The following STT3B variants were observed in gnomAD, a reference collection of about 807,000 sequenced individuals.
STT3B encodes the protein dolichyl-diphosphooligosaccharide--protein glycosyltransferase subunit STT3B.
In STT3B, 29 loss-of-function variants were observed where a neutral mutation model predicts 96.8. The observed-to-expected ratio is 0.30, with a 90% CI of 0.22 to 0.41. The LOEUF is 0.41. Ranked by LOEUF, STT3B falls within the 10% of genes least tolerant of loss-of-function variation. The pLI is 1.00. For missense variants in STT3B, 640 were observed against 1,022.3 expected (o/e 0.63, Z 5.10); for synonymous variants, 367 against 360.0 (o/e 1.02, Z -0.22).
intron 3 of STT3B, among the ~76,000 whole-genome samples, chr3:31,583,607 T>C (rs1014659717): frequency 7.9e-5 from 12 of 152,226 alleles, no homozygotes; most frequent in African/African-American, 2.9e-4. Flanking sequence ...TCTCTTTGTC[T>C]TTGGATTTAA....
chr3:31,550,894 A>AG (rs2125439913), intron 1 of STT3B, among the ~76,000 whole-genome samples: 1 of 152,156 alleles, frequency 6.6e-6, no homozygotes, highest in South Asian at 2.1e-4. Flanking sequence ...AATAAAAGGT[A>AG]GATTGAAATG....
chr3:31,541,871 C>G lies in STT3B; in HGVS notation c.314+8559C>G, dbSNP rs191713603. Reference sequence around the variant, plus strand: ...GATTACAGGCGTGAGCCACCACGCCCGGCATTTCAGCAATAATTTGGCTAA... The same window carrying G: ...GATTACAGGCGTGAGCCACCACGCCGGGCATTTCAGCAATAATTTGGCTAA... On this transcript the variant is annotated intron_variant, in intron 1 of 15. Transcript: ENST00000295770. Among the ~76,000 whole-genome samples the G allele has an allele frequency of 1.4e-3, 214 of 152,256 alleles. 2 individuals are homozygous for G. Among genetic ancestry groups the G allele is most frequent in the African/African-American group, 5.0e-3 (206 of 41,538 alleles).
At chr3:31,615,481 C>G (rs1158565813) in intron 6 of STT3B, among the ~76,000 whole-genome samples, 1 of 151,828 alleles carries the variant, frequency 6.6e-6, no homozygotes, top group Non-Finnish European at 1.5e-5. Context: ...GGTGGTGTTT[C>G]TATAGAGTTT....
chr3:31,553,096 C>T (rs959573771), intron 1 of STT3B, among the ~76,000 whole-genome samples: 2 of 135,972 alleles, frequency 1.5e-5, no homozygotes, highest in Non-Finnish European at 3.1e-5. Flanking sequence ...AGCGAAACTC[C>T]GTCTCAAAAA....
intron 2 of STT3B, among the ~76,000 whole-genome samples, chr3:31,579,188 G>A (rs1287482142): frequency 6.6e-6 from 1 of 151,766 alleles, no homozygotes; most frequent in African/African-American, 2.4e-5. Context: ...ACTTTATGTG[G>A]TATAAAAAAT....
chr3:31,592,890 CCT>C (rs770794733), intron 3 of STT3B, among the ~76,000 whole-genome samples: 5 of 152,136 alleles, frequency 3.3e-5, no homozygotes, highest in Non-Finnish European at 2.9e-5. Context: ...CTTTAAATCC[CCT>C]GTCAGTCACT....
intron 5 of STT3B, among the ~76,000 whole-genome samples, chr3:31,607,761 G>GGTT (rs56378948): frequency 4.1e-5 from 6 of 147,632 alleles, no homozygotes; most frequent in African/African-American, 8.0e-5. Flanking sequence ...GGGTTGTTGT[G>GGTT]GTTGTTGTTG....
At chr3:31,556,670 T>C (rs746489475) in intron 1 of STT3B, among the ~76,000 whole-genome samples, 4 of 152,270 alleles carry the variant, frequency 2.6e-5, no homozygotes, top group Non-Finnish European at 5.9e-5. Flanking sequence ...TTTTTTCATA[T>C]GCTTCTTGGC....
At position 31,554,380 on chromosome 3, in the gene STT3B, T is replaced by C. The variant is rs568597731; in HGVS notation, c.314+21068T>C. Among the ~76,000 whole-genome samples the C allele has an allele frequency of 5.9e-5, 9 of 152,340 alleles. No homozygotes were observed. In the South Asian group the frequency reaches 6.2e-4, roughly 11 times the overall value. On this transcript the variant is annotated intron_variant, in intron 1 of 15. Transcript: ENST00000295770. ...TTTGAAAAAGAACCAGGTGGTTACA[T>C]AGCTTTTTGTCTAACTAGTACTATC...
At position 31,579,921 on chromosome 3, in the gene STT3B, G is replaced by T; in HGVS notation, c.536G>T (p.Gly179Val). The T allele has an allele frequency of 4.3e-6, 7 of 1,613,876 alleles. No individual in the cohort carries two copies. Among genetic ancestry groups the T allele is most frequent in the Non-Finnish European group, 5.9e-6 (7 of 1,179,854 alleles). Residue 179 changes from glycine (G) to valine (V), a missense_variant, in exon 3 of 16, where the codon GGC (glycine) becomes GTC (valine). Around this residue, in one of 8 missense-constraint regions of STT3B, gnomAD observed 267 missense variants for 388.3 expected, o/e 0.69. Coordinates refer to ENST00000295770, the MANE Select transcript of STT3B (RefSeq NM_178862.3). ...GTGTTCCTTGCACCAACTTTTAGCGGCCTTACATCTATATCTACTTTCCTG... is the reference window on the plus strand; with the variant it reads ...GTGTTCCTTGCACCAACTTTTAGCGTCCTTACATCTATATCTACTTTCCTG... ...VCVFLAPTFSGLTSISTFLLT... is the reference protein window; with the variant it reads ...VCVFLAPTFSVLTSISTFLLT...
At chr3:31,594,038 T>A (rs1342989051) in intron 3 of STT3B, among the ~76,000 whole-genome samples, 1 of 152,134 alleles carries the variant, frequency 6.6e-6, no homozygotes, top group Non-Finnish European at 1.5e-5. Flanking sequence ...GAACATGCAA[T>A]TTTCTATTTC....
At chr3:31,581,909 C>T (rs191346773) in intron 3 of STT3B, among the ~76,000 whole-genome samples, 8 of 152,294 alleles carry the variant, frequency 5.3e-5, no homozygotes, top group Admixed American at 3.3e-4. Context: ...TTCATCATGA[C>T]TTAGTCTTGG....
At chr3:31,607,491 GA>G (rs1290553011) in intron 5 of STT3B, among the ~76,000 whole-genome samples, 1 of 152,102 alleles carries the variant, frequency 6.6e-6, no homozygotes, top group Non-Finnish European at 1.5e-5. Flanking sequence ...TTTGTAAGGG[GA>G]AACTCCTTTC....
intron 1 of STT3B, among the ~76,000 whole-genome samples, chr3:31,572,149 TATATA>T (rs936852819): frequency 4.7e-4 from 64 of 136,524 alleles, no homozygotes; most frequent in African/African-American, 1.4e-3. Flanking sequence ...TCTAAATTTA[TATATA>T]ATATAATATA....
intron 3 of STT3B, among the ~76,000 whole-genome samples, chr3:31,594,309 C>T (rs1698736696): frequency 6.6e-6 from 1 of 152,076 alleles, no homozygotes; most frequent in Non-Finnish European, 1.5e-5. Context: ...GCACGAGATC[C>T]CACAGGTTGA....
chr3:31,618,948 C>G (rs572651370), intron 8 of STT3B, among the ~76,000 whole-genome samples: 8 of 151,294 alleles, frequency 5.3e-5, no homozygotes, highest in Non-Finnish European at 8.8e-5. Flanking sequence ...TATAATATAA[C>G]TTGTGCAGTT....
rs764481566 is a variant in STT3B, at chr3:31,625,098, TAA to T, written c.1899+15_1899+16del. 93 of 1,605,726 alleles carry T rather than the reference TAA, an allele frequency of 5.8e-5. No individual in the cohort carries two copies. The highest frequency in any genetic ancestry group is 7.5e-5 in the Non-Finnish European group (88 of 1,176,086). ...CCACATAGCACTGGTAAGGATTTAC[TAA>T]ATACAAGGTTAAAAAATCTTTATTC... is the stretch of plus-strand genomic sequence containing the variant. On this transcript the variant is annotated intron_variant, in intron 12 of 15. Transcript: ENST00000295770.
intron 13 of STT3B, 43 bp downstream of exon 13, chr3:31,626,170 T>C: frequency 6.5e-7 from 1 of 1,527,330 alleles, no homozygotes; most frequent in Non-Finnish European, 9.0e-7. Context: ...GATAGCTCAC[T>C]GTGTCCTCGT....
chr3:31,557,550 T>C (rs1019522190), intron 1 of STT3B, among the ~76,000 whole-genome samples: 2 of 152,190 alleles, frequency 1.3e-5, no homozygotes, highest in East Asian at 3.8e-4. Context: ...AATTCTTTTA[T>C]CATTGTTGCG....
Sources: allele counts gnomAD v4.1 joint callset (sites outside exome capture counted in the v4.1 genomes callset), GRCh38; gene constraint gnomAD v4.1.1; regional missense constraint gnomAD v4.1.1; transcripts MANE v1.5; gene names NCBI Gene and HGNC (gene_info 2026-07-23, HGNC 2026-07-21).